The following GATA4 variants were observed in gnomAD, a reference collection of about 807,000 sequenced individuals.
GATA4 encodes the protein GATA binding protein 4.
In GATA4, 7 loss-of-function variants were observed where a neutral mutation model predicts 37.9. The ratio of observed to expected loss-of-function variants is 0.18; its 90% confidence interval spans 0.11 to 0.35. The LOEUF (loss-of-function observed/expected upper bound fraction) is 0.35. Among genes scored for constraint, GATA4 ranks in the 10% least tolerant of loss-of-function variants. GATA4 has a pLI of 1.00. For missense variants in GATA4, 647 were observed against 653.0 expected, an observed-to-expected ratio of 0.99 and a Z score of 0.10; for synonymous variants, 372 against 292.6, an observed-to-expected ratio of 1.27 and a Z score of -2.77.
At chr8:11,742,498 T>C (rs1801797266) in intron 2 of GATA4, among the ~76,000 whole-genome samples, 1 of 151,988 alleles carries the variant, frequency 6.6e-6, no homozygotes, top group African/African-American at 2.4e-5. Flanking sequence ...CCAGCTGACG[T>C]CCTGGGTTCT....
Position 11,697,402 on chromosome 8 carries a change from C to A in GATA4, c.-728-3106C>A, listed in dbSNP as rs137982272. Among the ~76,000 whole-genome samples the A allele has an allele frequency of 2.9e-3, 444 of 152,332 alleles. 1 individual carries two copies. The highest frequency in any genetic ancestry group is 0.01 in the African/African-American group (432 of 41,566). ...AGCTATTCCAAGCTCCGTGCCTCCC[C>A]TTTCTTGAGACTGTTGTTACAAGAA... On this transcript the variant is annotated intron_variant, in intron 1 of 2. Transcript: ENST00000526974.
At chr8:11,677,577 T>C (rs1335483147) in intron 1 of GATA4, among the ~76,000 whole-genome samples, 1 of 152,212 alleles carries the variant, frequency 6.6e-6, no homozygotes, top group Non-Finnish European at 1.5e-5. Flanking sequence ...AAGAACGCCC[T>C]TGGAAACTTC....
At chr8:11,695,350 G>A (rs1799473520) in intron 1 of GATA4, among the ~76,000 whole-genome samples, 1 of 152,050 alleles carries the variant, frequency 6.6e-6, no homozygotes, top group Non-Finnish European at 1.5e-5. Flanking sequence ...AGGTTGCGGT[G>A]AGCCAAGATC....
intron 4 of GATA4, among the ~76,000 whole-genome samples, chr8:11,751,321 T>C (rs1802291276): frequency 6.6e-6 from 1 of 152,220 alleles, no homozygotes; most frequent in Non-Finnish European, 1.5e-5. Flanking sequence ...ACTATTTTTA[T>C]AAATATGAGG....
chr8:11,729,765 C>T (rs887695604), intron 2 of GATA4, among the ~76,000 whole-genome samples: 11 of 152,254 alleles, frequency 7.2e-5, no homozygotes, highest in Admixed American at 1.3e-4. Context: ...TGTGAATTTC[C>T]GCCTGGAAAT....
At chr8:11,718,584 A>G (rs976363394) in intron 2 of GATA4, among the ~76,000 whole-genome samples, 1 of 152,228 alleles carries the variant, frequency 6.6e-6, no homozygotes, top group Non-Finnish European at 1.5e-5. Context: ...GGAATTTTGA[A>G]TTTTGGAGTT....
At chr8:11,724,242 A>G (rs552316421) in intron 2 of GATA4, among the ~76,000 whole-genome samples, 1 of 152,100 alleles carries the variant, frequency 6.6e-6, no homozygotes, top group Non-Finnish European at 1.5e-5. Flanking sequence ...GCGTCTGCCC[A>G]TTGACCATTG....
At chr8:11,722,014 G>A (rs1241236883) in intron 2 of GATA4, among the ~76,000 whole-genome samples, 2 of 151,954 alleles carry the variant, frequency 1.3e-5, no homozygotes, top group Non-Finnish European at 2.9e-5. Context: ...TTTTAAATAG[G>A]TTAAAAAACA....
chr8:11,753,857 C>T (rs17153752), intron 4 of GATA4, among the ~76,000 whole-genome samples: 30,146 of 152,116 alleles, frequency 0.2, 4,462 homozygotes, highest in African/African-American at 0.42. Flanking sequence ...TAGACAAGCA[C>T]AGCATAGAAA....
At chr8:11,703,611 G>C (rs1037633343), upstream of GATA4, among the ~76,000 whole-genome samples, 2 of 152,248 alleles carry the variant, frequency 1.3e-5, no homozygotes, top group African/African-American at 4.8e-5. Context: ...TTGAGGCTGA[G>C]GCCTGGGCTC....
At chr8:11,696,433 GGTGTT>G (rs1407415085) in intron 1 of GATA4, among the ~76,000 whole-genome samples, 5 of 151,876 alleles carry the variant, frequency 3.3e-5, no homozygotes, top group African/African-American at 1.2e-4. Context: ...GTGTTGCTGG[GGTGTT>G]TGTTGTTCAT....
chr8:11,692,809 C>T (rs1347111341), intron 1 of GATA4: 39 of 981,646 alleles, frequency 4.0e-5, no homozygotes, highest in Non-Finnish European at 4.3e-5. Context: ...GCCGGCGCAG[C>T]GGGCGCCAGG....
chr8:11,752,217 A>G (rs1304599213), intron 4 of GATA4, among the ~76,000 whole-genome samples: 3 of 152,366 alleles, frequency 2.0e-5, no homozygotes, highest in East Asian at 3.9e-4. Context: ...TTAAACAGAC[A>G]TACATATGGA....
chr8:11,692,490 C>T (rs562483831), upstream of GATA4: 239 of 984,528 alleles, frequency 2.4e-4, 2 homozygotes, highest in African/African-American at 4.0e-3. Context: ...ATTTTCTCCT[C>T]CCGTGCACAG....
intron 2 of GATA4, among the ~76,000 whole-genome samples, chr8:11,716,875 T>C (rs1800455101): frequency 6.6e-6 from 1 of 152,398 alleles, no homozygotes; most frequent in Middle Eastern, 3.4e-3. Context: ...CAAATGTAGC[T>C]GCTTGTGTCT....
intron 1 of GATA4, among the ~76,000 whole-genome samples, chr8:11,706,351 G>C (rs1287680119): frequency 1.3e-5 from 2 of 152,234 alleles, no homozygotes; most frequent in African/African-American, 4.8e-5. Context: ...ATATACATTT[G>C]AGGTACTTTC....
chr8:11,734,176 C>G (rs886528180), intron 2 of GATA4, among the ~76,000 whole-genome samples: 1 of 152,172 alleles, frequency 6.6e-6, no homozygotes, highest in East Asian at 1.9e-4. Flanking sequence ...ATCCTAGATA[C>G]ACTTTTCTCA....
intron 2 of GATA4, among the ~76,000 whole-genome samples, chr8:11,716,587 T>C (rs1800442134): frequency 1.3e-5 from 2 of 152,216 alleles, no homozygotes. Flanking sequence ...GTGCTGGTAG[T>C]GGATCTAAAT....
At chr8:11,692,038 C>A (rs1325147970), upstream of GATA4, 9 of 985,324 alleles carry the variant, frequency 9.1e-6, no homozygotes, top group Non-Finnish European at 1.1e-5. Context: ...ATGATCCTCA[C>A]CTTAGTGTCA....
Sources: allele counts gnomAD v4.1 joint callset (sites outside exome capture counted in the v4.1 genomes callset), GRCh38; gene constraint gnomAD v4.1.1; transcripts MANE v1.5; gene names NCBI Gene and HGNC (gene_info 2026-07-23, HGNC 2026-07-21).